CUBN: variants seen among roughly 807,000 people sequenced by gnomAD.
The protein encoded by CUBN is 460 kDa receptor.
A neutral mutation model predicts 405.3 loss-of-function variants in CUBN; 282 were observed. That is an observed-to-expected ratio of 0.70 (90% CI 0.63 to 0.77). The LOEUF (loss-of-function observed/expected upper bound fraction) is 0.77. Among genes scored for constraint, CUBN ranks in the 30% least tolerant of loss-of-function variants. CUBN has a pLI of 0.00. For synonymous variants in CUBN, 1,684 were observed against 1,617.0 expected (o/e 1.04, Z -0.99); for missense variants, 4,514 against 4,475.2 (o/e 1.01, Z -0.25).
At chr10:16,975,209 C>G (rs1160172309) in intron 31 of CUBN, among the ~76,000 whole-genome samples, 1 of 152,228 alleles carries the variant, frequency 6.6e-6, no homozygotes, top group East Asian at 1.9e-4. Context: ...AGCCCAAACT[C>G]CTCCCAGCAC....
chr10:16,983,164 A>G (rs1019213116), intron 30 of CUBN, among the ~76,000 whole-genome samples: 2 of 152,170 alleles, frequency 1.3e-5, no homozygotes, highest in Non-Finnish European at 2.9e-5. Context: ...TCTATGACCC[A>G]CCATTTCTTG....
intron 36 of CUBN, among the ~76,000 whole-genome samples, chr10:16,944,795 T>A (rs979767871): frequency 1.2e-4 from 18 of 152,360 alleles, no homozygotes; most frequent in African/African-American, 4.1e-4. Flanking sequence ...ACTTGCTTTC[T>A]GTGTGTGTAA....
chr10:16,986,054 G>A (rs919139988), intron 29 of CUBN, among the ~76,000 whole-genome samples: 1 of 152,202 alleles, frequency 6.6e-6, no homozygotes, highest in Non-Finnish European at 1.5e-5. Context: ...GCGAAGGCAG[G>A]ATGGGAATCA....
intron 20 of CUBN, 44 bp downstream of exon 20, chr10:17,068,561 T>C (rs371904354): frequency 3.7e-5 from 55 of 1,498,016 alleles, no homozygotes; most frequent in Non-Finnish European, 4.7e-5. Context: ...CTTATTCTGA[T>C]ACAAGCCCAA....
chr10:16,836,296 G>C lies in CUBN; in HGVS notation c.10119C>G (p.Val3373=). The stretch of plus-strand genomic sequence containing the variant: ...TGTTTACAACTCCAGATTTGAAAAT[G>C]ACCATTGCAGTACTCATAGAAGAAT... ...VFYSSMSTAM[V]IFKSGVVNRN... Residue 3373 remains valine (V), a synonymous_variant, in exon 63 of 67, where the codon GTC becomes GTG. Transcript: ENST00000377833. 2.5e-6 allele frequency: 4 copies of C among 1,613,460 alleles called. No individual in the cohort carries two copies. Among genetic ancestry groups the C allele is most frequent in the Non-Finnish European group, 3.4e-6 (4 of 1,179,430 alleles).
chr10:17,095,927 C>A (rs1407092241), intron 14 of CUBN, among the ~76,000 whole-genome samples: 1 of 152,030 alleles, frequency 6.6e-6, no homozygotes, highest in African/African-American at 2.4e-5. Context: ...AACACACACA[C>A]AGACATAAAT....
chr10:16,934,070 C>T (rs765688286), intron 39 of CUBN, among the ~76,000 whole-genome samples: 4 of 152,114 alleles, frequency 2.6e-5, no homozygotes, highest in Non-Finnish European at 5.9e-5. Context: ...CTCTGCGGCC[C>T]CACCACCCAC....
intron 55 of CUBN, among the ~76,000 whole-genome samples, chr10:16,889,953 A>AAAAACAAAAAAAAAAG (rs57009841): frequency 8.5e-6 from 1 of 118,014 alleles, no homozygotes; most frequent in African/African-American, 4.2e-5. Context: ...AAAAAAAAAA[A>AAAAACAAAAAAAAAAG]CAGGAAAGAC....
At position 17,068,659 on chromosome 10, in the gene CUBN, T is replaced by A; in HGVS notation, c.2737A>T (p.Ser913Cys). Residue 913 changes from serine (S) to cysteine (C), a missense_variant, in exon 20 of 67, where the codon AGT (serine) becomes TGT (cysteine). Ser to Cys is a moderately radical substitution (Grantham distance 112, BLOSUM62 -1). Around this residue, in one of 5 missense-constraint regions of CUBN, gnomAD observed 1,448 missense variants for 1,388.0 expected, o/e 1.04. Transcript: ENST00000377833. ...AAACCATGGTTTTCAGTAGAAGAAC[T>A]TTTCACGAATGTGACATAAAGAAAA... Reference protein sequence around the residue: ...YNFLYVTFVKSSSTENHGFMA... With the variant: ...YNFLYVTFVKCSSTENHGFMA... 5.6e-6 allele frequency: 9 copies of A among 1,613,218 alleles called. No homozygotes were observed. Among genetic ancestry groups the A allele is most frequent in the Non-Finnish European group, 7.6e-6 (9 of 1,179,376 alleles).
intron 4 of CUBN, among the ~76,000 whole-genome samples, chr10:17,125,875 G>T (rs980094677): frequency 6.6e-6 from 1 of 152,168 alleles, no homozygotes; most frequent in Admixed American, 6.5e-5. Flanking sequence ...TCTTAAAAAT[G>T]ACAGCTGAGG....
chr10:17,042,006 G>A (rs1378629527), intron 26 of CUBN, among the ~76,000 whole-genome samples: 1 of 152,114 alleles, frequency 6.6e-6, no homozygotes, highest in African/African-American at 2.4e-5. Context: ...TCTATGATGT[G>A]CAATAAAAGA....
At position 17,083,516 on chromosome 10, in the gene CUBN, A is replaced by AATAC. The variant is rs146497391; in HGVS notation, c.2301+751_2301+754dup. ...GCGAAACTCCGTCTCAAAATAAATAAATACATACATACATACATACATACA... is the reference window on the plus strand; with the variant it reads ...GCGAAACTCCGTCTCAAAATAAATAAATACATACATACATACATACATACATACA... On this transcript the variant is annotated intron_variant, in intron 17 of 66. Coordinates refer to ENST00000377833, the MANE Select transcript of CUBN (RefSeq NM_001081.4). Among the ~76,000 whole-genome samples, 46 of 142,718 alleles carry AATAC rather than the reference A, an allele frequency of 3.2e-4. 1 individual carries two copies. Among genetic ancestry groups the AATAC allele is most frequent in the South Asian group, 1.6e-3 (7 of 4,312 alleles). 93.6% of individuals were successfully genotyped at this position (142,718 alleles called of 152,430 possible). A position where few individuals can be genotyped will look rare whatever the true frequency, so the allele number is the denominator to read the frequency against.
intron 27 of CUBN, among the ~76,000 whole-genome samples, chr10:17,032,073 G>A (rs186893283): frequency 6.6e-6 from 1 of 152,124 alleles, no homozygotes; most frequent in South Asian, 2.1e-4. Flanking sequence ...GATAGACCTC[G>A]CCAGGGAGGA....
intron 14 of CUBN, among the ~76,000 whole-genome samples, chr10:17,098,164 T>C (rs898534030): frequency 1.2e-4 from 19 of 152,198 alleles, no homozygotes; most frequent in African/African-American, 3.9e-4. Context: ...TGAACTCTCA[T>C]TGAAAGCCAG....
chr10:16,860,309 CAT>C (rs1403852062), intron 59 of CUBN, among the ~76,000 whole-genome samples: 1 of 151,958 alleles, frequency 6.6e-6, no homozygotes, highest in African/African-American at 2.4e-5. Flanking sequence ...GGTTTAAAAA[CAT>C]ATCACGCAAA....
In CUBN at chr10:16,940,024, C is replaced by A; in HGVS notation, c.5548+8G>T. 1.2e-6 allele frequency: 2 copies of A among 1,610,296 alleles called. No homozygotes were observed. The highest frequency in any genetic ancestry group is 1.7e-6 in the Non-Finnish European group (2 of 1,176,588). The stretch of plus-strand genomic sequence containing the variant: ...CTGGAAGCTATCACTAAAATAGAAA[C>A]AACTTACTCTTCATAAATGTGGCCT... On this transcript the variant is annotated splice_region_variant and intron_variant, in intron 37 of 66. Transcript: ENST00000377833.
chr10:16,981,236 A>C (rs1352756043), intron 31 of CUBN, among the ~76,000 whole-genome samples: 1 of 148,930 alleles, frequency 6.7e-6, no homozygotes. Flanking sequence ...CAAGAGGAGA[A>C]GAAGGAGCTG....
At chr10:16,832,560 C>G (rs1317678637) in intron 64 of CUBN, among the ~76,000 whole-genome samples, 2 of 152,132 alleles carry the variant, frequency 1.3e-5, no homozygotes. Flanking sequence ...TAGCCAGCAC[C>G]ACGCTTTTGA....
intron 14 of CUBN, among the ~76,000 whole-genome samples, chr10:17,096,902 G>T (rs960026799): frequency 6.6e-6 from 1 of 152,074 alleles, no homozygotes; most frequent in Admixed American, 6.5e-5. Flanking sequence ...GAATGCTAAT[G>T]AAAACATACA....
Sources: allele counts gnomAD v4.1 joint callset (sites outside exome capture counted in the v4.1 genomes callset), GRCh38; gene constraint gnomAD v4.1.1; regional missense constraint gnomAD v4.1.1; transcripts MANE v1.5; gene names NCBI Gene and HGNC (gene_info 2026-07-23, HGNC 2026-07-21).